Variants in ERICH3 observed in about 807,000 individuals in gnomAD.
ERICH3 encodes the protein glutamate-rich protein 3.
Under a neutral mutation model 131.1 loss-of-function variants are expected in ERICH3, and 126 were observed. The observed-to-expected ratio is 0.96, with a 90% confidence interval of 0.83 to 1.11. The LOEUF is 1.11. Ranked by LOEUF, ERICH3 falls within the 50% of genes most tolerant of loss-of-function variation. ERICH3 has a pLI of 0.00. For synonymous variants in ERICH3, 695 were observed against 644.6 expected (o/e 1.08, Z -1.18); for missense variants, 2,050 against 1,810.7 (o/e 1.13, Z -2.40).
chr1:74,670,999 C>T (rs1404259401), intron 1 of ERICH3, among the ~76,000 whole-genome samples: 1 of 133,558 alleles, frequency 7.5e-6, no homozygotes, highest in Non-Finnish European at 1.6e-5. Context: ...TCCTGCAGTA[C>T]CCTCAGGCTT....
chr1:74,589,486 T>C (rs1275035892), intron 12 of ERICH3, 145 bp downstream of exon 12: 2 of 759,830 alleles, frequency 2.6e-6, no homozygotes, highest in African/African-American at 1.7e-5. Flanking sequence ...TGTATGATTA[T>C]GTGACAAAGA....
intron 14 of ERICH3, among the ~76,000 whole-genome samples, 161 bp from the exon 15 acceptor site, chr1:74,570,600 C>T (rs757577113): frequency 1.3e-5 from 2 of 152,126 alleles, no homozygotes; most frequent in South Asian, 2.1e-4. Context: ...AAATATTTTA[C>T]GTATAGAATG....
At chr1:74,627,440 TA>T (rs1238886600) in intron 7 of ERICH3, among the ~76,000 whole-genome samples, 3 of 151,072 alleles carry the variant, frequency 2.0e-5, no homozygotes, top group African/African-American at 4.9e-5. Context: ...CATGGTAAGT[TA>T]AAAAAAAACT....
chr1:74,572,933 G>C lies in ERICH3; in HGVS notation c.2777C>G (p.Ala926Gly). The change falls in exon 14 of 15, where the codon GCG (alanine) becomes GGG (glycine). Residue 926 changes from alanine to glycine, a missense_variant. Coordinates refer to ENST00000326665, the MANE Select transcript of ERICH3 (RefSeq NM_001002912.5). Reference sequence around the variant, plus strand: ...CTCAGCCTCTCCCTCCTCCGATGTCGCTGCCTCTCTCAGGGCTGCTACTTC... The same window carrying C: ...CTCAGCCTCTCCCTCCTCCGATGTCCCTGCCTCTCTCAGGGCTGCTACTTC... ...LHEVAALREA[A>G]TSEEGEAEGG... 6.2e-7 allele frequency: 1 copy of C among 1,613,826 alleles called. No homozygotes were observed. Among genetic ancestry groups the C allele is most frequent in the Non-Finnish European group, 8.5e-7 (1 of 1,179,982 alleles).
In ERICH3 at chr1:74,599,719, T is replaced by A. The variant is rs377675894; in HGVS notation, c.1702A>T (p.Ser568Cys). The A allele has an allele frequency of 7.5e-5, 121 of 1,611,528 alleles. No individual in the cohort carries two copies. The African/African-American group carries it at 1.5e-3, about 20-fold the overall frequency. ...VKDENDGCSE[S>C]ELEEDKQDMK... The stretch of plus-strand genomic sequence containing the variant: ...CCTTGTTTATCCTCTTCCAGTTCAC[T>A]CTCAGAGCATCCATCATTCTCATCT... Residue 568 changes from serine (S) to cysteine (C), a missense_variant, in exon 11 of 15, where the codon AGT becomes TGT. By Grantham distance (112) the Ser-to-Cys change is moderately radical. Transcript: ENST00000326665.
chr1:74,573,314 C>G lies in ERICH3; in HGVS notation c.2396G>C (p.Gly799Ala). The part of the protein sequence containing the change: ...VQGKGEAALW[G>A]EAGAVHEAPL... ...AGCCTCATGAACAGCTCCTGCTTCT[C>G]CCCACAGTGCTGCCTCCCCTTTTCC... Residue 799 changes from glycine (G) to alanine (A), a missense_variant, in exon 14 of 15, where the codon GGA (glycine) becomes GCA (alanine). Gly to Ala is a moderately conservative substitution (Grantham distance 60). Coordinates refer to ENST00000326665, the MANE Select transcript of ERICH3 (RefSeq NM_001002912.5). 1 of 1,602,686 alleles carries G rather than the reference C, an allele frequency of 6.2e-7. No homozygotes were observed. The highest frequency in any genetic ancestry group is 1.1e-5 in the South Asian group (1 of 88,834).
chr1:74,620,423 G>A (rs1649162842), intron 8 of ERICH3, among the ~76,000 whole-genome samples: 1 of 152,102 alleles, frequency 6.6e-6, no homozygotes, highest in Non-Finnish European at 1.5e-5. Context: ...AAGCCAAATA[G>A]TTAACTTGGA....
chr1:74,576,949 A>T lies in ERICH3; in HGVS notation c.2177-13T>A, dbSNP rs1447822547. 1 of 1,586,658 alleles carries T rather than the reference A, an allele frequency of 6.3e-7. No homozygotes were observed. ...AATGAATCCTTTCCTAGTTAAAAAA[A>T]AAAAAAAGAAAAAAAAGGTCAAATG... On this transcript the variant is annotated splice_polypyrimidine_tract_variant and intron_variant, in intron 12 of 14. Coordinates refer to ENST00000326665, the MANE Select transcript of ERICH3 (RefSeq NM_001002912.5).
intron 8 of ERICH3, among the ~76,000 whole-genome samples, chr1:74,613,280 C>T (rs1191597739): frequency 6.6e-6 from 1 of 152,104 alleles, no homozygotes; most frequent in Non-Finnish European, 1.5e-5. Flanking sequence ...TGAGCACTTA[C>T]TGTGGCAGGC....
chr1:74,574,157 A>C (rs182032489), intron 13 of ERICH3, among the ~76,000 whole-genome samples: 1 of 151,810 alleles, frequency 6.6e-6, no homozygotes, highest in Admixed American at 6.6e-5. Context: ...TGCCAGGCTA[A>C]TTTTTTTGTT....
chr1:74,576,543 C>T (rs763667246), intron 13 of ERICH3, among the ~76,000 whole-genome samples: 10 of 152,214 alleles, frequency 6.6e-5, no homozygotes, highest in African/African-American at 1.9e-4. Context: ...TTGCTATGAA[C>T]AATAAAGTCC....
chr1:74,621,406 A>C (rs991914835), intron 7 of ERICH3: 1 of 152,356 alleles, frequency 6.6e-6, no homozygotes, highest in Admixed American at 6.5e-5. Context: ...CTGAGCACTG[A>C]CAACACATCC....
intron 9 of ERICH3, among the ~76,000 whole-genome samples, chr1:74,610,676 ATTCT>A (rs1268004921): frequency 6.6e-6 from 1 of 151,804 alleles, no homozygotes; most frequent in Non-Finnish European, 1.5e-5. Context: ...CCTAATTACC[ATTCT>A]TTATAGCAAA....
chr1:74,646,795 G>A lies in ERICH3; in HGVS notation c.118-3C>T. 7.1e-7 allele frequency: 1 copy of A among 1,416,672 alleles called. No individual in the cohort carries two copies. The highest frequency in any genetic ancestry group is 9.5e-7 in the Non-Finnish European group (1 of 1,048,156). The allele number at this position is 1,416,672 out of a possible 1,614,324, so 87.8% of individuals were successfully genotyped here. A position where few individuals can be genotyped will look rare whatever the true frequency, so the allele number is the denominator to read the frequency against. On this transcript the variant is annotated splice_polypyrimidine_tract_variant and splice_region_variant and intron_variant, in intron 2 of 14. Coordinates refer to ENST00000326665, the MANE Select transcript of ERICH3 (RefSeq NM_001002912.5). The stretch of plus-strand genomic sequence containing the variant: ...AGTATTCTTCCACTTCTTGTGATCT[G>A]TCATGAATAAATAAAATATACATAG...
At chr1:74,672,457 T>G (rs1483990416) in intron 1 of ERICH3, among the ~76,000 whole-genome samples, 2 of 152,248 alleles carry the variant, frequency 1.3e-5, no homozygotes, top group Non-Finnish European at 2.9e-5. Flanking sequence ...TCAAACATTT[T>G]CATTTACGCC....
intron 11 of ERICH3, 124 bp downstream of exon 11, chr1:74,599,571 A>T: frequency 1.2e-6 from 1 of 868,682 alleles, no homozygotes; most frequent in Non-Finnish European, 1.8e-6. Flanking sequence ...CCCCTTATTT[A>T]AAAGTTAGAA....
chr1:74,585,489 C>T (rs1012236055), intron 12 of ERICH3, among the ~76,000 whole-genome samples: 26 of 152,114 alleles, frequency 1.7e-4, no homozygotes, highest in African/African-American at 6.3e-4. Context: ...CTGTACTTTA[C>T]TCATTTATCC....
intron 12 of ERICH3, chr1:74,586,571 A>C: frequency 1.2e-6 from 1 of 819,250 alleles, no homozygotes; most frequent in Non-Finnish European, 1.5e-6. Context: ...AATATCTATA[A>C]CTTTTGAACA....
intron 7 of ERICH3, among the ~76,000 whole-genome samples, chr1:74,629,745 C>T (rs1213853551): frequency 6.6e-6 from 1 of 152,190 alleles, no homozygotes; most frequent in Admixed American, 6.5e-5. Flanking sequence ...CAAACCCAGG[C>T]TGTGACCCAA....
Sources: allele counts gnomAD v4.1 joint callset (sites outside exome capture counted in the v4.1 genomes callset), GRCh38; gene constraint gnomAD v4.1.1; transcripts MANE v1.5; gene names NCBI Gene and HGNC (gene_info 2026-07-23, HGNC 2026-07-21).